Variants in ZNF532 observed in about 807,000 individuals in gnomAD.
ZNF532 encodes the protein zinc finger protein 532.
A neutral mutation model predicts 89.3 loss-of-function variants in ZNF532; 22 were observed. That is an observed-to-expected ratio of 0.25 (90% CI 0.18 to 0.35). ZNF532 has a LOEUF of 0.35. ZNF532 is among the 10% of genes least tolerant of loss of function. The probability of loss-of-function intolerance (pLI) is 1.00; values close to 1 mark genes in which losing one functional copy is unlikely to be tolerated. For missense variants in ZNF532, 1,132 were observed against 1,643.4 expected, an observed-to-expected ratio of 0.69 and a Z score of 5.38; for synonymous variants, 606 against 649.6, an observed-to-expected ratio of 0.93 and a Z score of 1.02.
intron 3 of ZNF532, among the ~76,000 whole-genome samples, chr18:58,929,002 G>A (rs994867331): frequency 5.9e-5 from 9 of 152,122 alleles, no homozygotes; most frequent in African/African-American, 2.2e-4. Flanking sequence ...TTAAAAACCT[G>A]TTTTCTTCTT....
At chr18:58,889,234 TAG>T (rs888401456) in intron 2 of ZNF532, among the ~76,000 whole-genome samples, 13 of 152,138 alleles carry the variant, frequency 8.5e-5, no homozygotes, top group African/African-American at 3.1e-4. Flanking sequence ...AGTTAACACA[TAG>T]AGTTAAAAAG....
chr18:58,919,781 C>T lies in ZNF532; in HGVS notation c.1494C>T (p.Asn498=), dbSNP rs74940520. 5.0e-3 allele frequency: 8,130 copies of T among 1,614,120 alleles called. 30 individuals are homozygous for T. The highest frequency in any genetic ancestry group is 7.5e-3 in the East Asian group (335 of 44,894). ...SASSAIIKAA[N]AIQQQTVVVP... is the part of the protein sequence containing the mutation. ...GCAGCGCCATCATTAAAGCTGCCAA[C>T]GCCATCCAGCAGCAAACTGTCGTGG... is the stretch of plus-strand genomic sequence containing the variant. The change falls in exon 3 of 10, where the codon AAC becomes AAT. Residue 498 remains asparagine, a synonymous_variant. Transcript: ENST00000591808. This position sits in a 1 kb window ranked among gnomAD's most constrained non-coding sequence, Gnocchi z 6.1.
At chr18:58,937,778 C>T (rs1404891334) in intron 4 of ZNF532, among the ~76,000 whole-genome samples, 1 of 152,206 alleles carries the variant, frequency 6.6e-6, no homozygotes, top group Non-Finnish European at 1.5e-5. Flanking sequence ...TAATTCTTCT[C>T]ATTTTACAAA....
chr18:58,907,640 A>G (rs1015252281), intron 2 of ZNF532, among the ~76,000 whole-genome samples: 1 of 152,100 alleles, frequency 6.6e-6, no homozygotes, highest in East Asian at 1.9e-4. Flanking sequence ...GGGGGTTGCA[A>G]AGATCAGGAG....
intron 8 of ZNF532, chr18:58,980,587 A>G (rs1053942994): frequency 6.6e-6 from 1 of 152,212 alleles, no homozygotes; most frequent in Admixed American, 6.5e-5. Flanking sequence ...TCCTTCCCTC[A>G]GTAGCATTCT....
intron 5 of ZNF532, among the ~76,000 whole-genome samples, chr18:58,941,545 C>G (rs1160702404): frequency 1.3e-5 from 2 of 149,274 alleles, no homozygotes; most frequent in African/African-American, 5.0e-5. Context: ...TCACTGCAGC[C>G]TTGACCTCCT....
At position 58,941,468 on chromosome 18, in the gene ZNF532, C is replaced by CTTTTT. The variant is rs71302776; in HGVS notation, c.2705+1863_2705+1867dup. On this transcript the variant is annotated intron_variant, in intron 5 of 9. Transcript: ENST00000591808. ...CCAGTGGTTTCTTTTCTCTCTCTCT[C>CTTTTT]TTTTTTTTTTTTTTTTTTTTATGAG... Among the ~76,000 whole-genome samples, 97 of 114,918 alleles carry CTTTTT rather than the reference C, an allele frequency of 8.4e-4. 2 individuals are homozygous for CTTTTT. The highest frequency in any genetic ancestry group is 1.6e-3 in the Admixed American group (16 of 10,106). The allele number at this position is 114,918 out of a possible 152,430, so 75.4% of individuals were successfully genotyped here. A position where few individuals can be genotyped will look rare whatever the true frequency, so the allele number is the denominator to read the frequency against.
chr18:58,953,602 A>C lies in ZNF532; in HGVS notation c.2953A>C (p.Asn985His). 1.9e-6 allele frequency: 3 copies of C among 1,613,974 alleles called. No homozygotes were observed. The highest frequency in any genetic ancestry group is 2.5e-6 in the Non-Finnish European group (3 of 1,179,846). ...LPLSIKPATQ[N>H]SANQNKEDTK... The stretch of plus-strand genomic sequence containing the variant: ...TTTGAGCATTAAGCCTGCAACTCAA[A>C]ATTCAGCAAATCAGAACAAAGAGGA... Residue 985 changes from asparagine (N) to histidine (H), a missense_variant, in exon 7 of 10, where the codon AAT becomes CAT. Physicochemically the swap from Asn to His is moderately conservative, Grantham distance 68. Coordinates refer to ENST00000591808, the MANE Select transcript of ZNF532 (RefSeq NM_001375912.1).
chr18:58,880,741 CCCTCTCATAGGCGCGCGCGCACGCGCGCG>C (rs1299814969), intron 2 of ZNF532, among the ~76,000 whole-genome samples: 3 of 110,936 alleles, frequency 2.7e-5, no homozygotes, highest in Non-Finnish European at 4.4e-5. Flanking sequence ...TATATTTGAG[CCCTCTCATAGGCGCGCGCGCACGCGCGCG>C]CGTCTGTGTG....
At chr18:58,965,457 A>G (rs970243143) in intron 7 of ZNF532, among the ~76,000 whole-genome samples, 1 of 152,258 alleles carries the variant, frequency 6.6e-6, no homozygotes, top group Non-Finnish European at 1.5e-5. Context: ...CACAGAATGA[A>G]AGCTGACATT....
At chr18:58,947,425 G>A (rs2063760400) in intron 5 of ZNF532, among the ~76,000 whole-genome samples, 1 of 152,230 alleles carries the variant, frequency 6.6e-6, no homozygotes, top group African/African-American at 2.4e-5. Flanking sequence ...GAAATAGTTT[G>A]TAGGAGACAA....
chr18:58,933,252 A>AT (rs1044929062), intron 3 of ZNF532, among the ~76,000 whole-genome samples: 2 of 152,272 alleles, frequency 1.3e-5, no homozygotes, highest in Admixed American at 1.3e-4. Flanking sequence ...TATAATAAAC[A>AT]TTTTTTGGGA....
At chr18:58,964,535 T>TTGTGTGTGTGTGTGTGTGTGTGTGTGTG (rs200298951) in intron 7 of ZNF532, among the ~76,000 whole-genome samples, 1 of 138,554 alleles carries the variant, frequency 7.2e-6, no homozygotes, top group Non-Finnish European at 1.6e-5. Flanking sequence ...GATATTTTGT[T>TTGTGTGTGTGTGTGTGTGTGTGTGTGTG]TGTGTGTGTG....
chr18:58,907,555 G>T (rs543627959), intron 2 of ZNF532, among the ~76,000 whole-genome samples: 3 of 152,184 alleles, frequency 2.0e-5, no homozygotes, highest in African/African-American at 7.2e-5. Flanking sequence ...GAGTGCAGTG[G>T]TGCGATCCCG....
chr18:58,934,638 G>A (rs2146463460), intron 4 of ZNF532, 24 bp downstream of exon 4: 1 of 1,602,796 alleles, frequency 6.2e-7, no homozygotes, highest in Middle Eastern at 1.7e-4. Flanking sequence ...TCACTTATGT[G>A]CAAGTAAAAC....
intron 2 of ZNF532, among the ~76,000 whole-genome samples, chr18:58,872,005 G>T (rs1303896654): frequency 6.6e-6 from 1 of 152,184 alleles, no homozygotes; most frequent in African/African-American, 2.4e-5. Context: ...AGAATTCTTT[G>T]AATCATCTTC....
At chr18:58,891,273 T>TA (rs1392500843) in intron 2 of ZNF532, among the ~76,000 whole-genome samples, 3 of 152,028 alleles carry the variant, frequency 2.0e-5, no homozygotes, top group African/African-American at 7.2e-5. Flanking sequence ...CTCACGCCTG[T>TA]AATCCCAGCA....
intron 3 of ZNF532, among the ~76,000 whole-genome samples, chr18:58,926,495 G>T (rs1479204077): frequency 6.6e-6 from 1 of 152,164 alleles, no homozygotes; most frequent in East Asian, 1.9e-4. Context: ...GCGCCACCAT[G>T]CCCGGCTAAT....
intron 2 of ZNF532, among the ~76,000 whole-genome samples, chr18:58,917,441 C>T (rs1408363107): frequency 6.6e-6 from 1 of 152,184 alleles, no homozygotes; most frequent in Non-Finnish European, 1.5e-5. Context: ...GCTGGGGTTC[C>T]AGGGAGCAGA....
Sources: allele counts gnomAD v4.1 joint callset (sites outside exome capture counted in the v4.1 genomes callset), GRCh38; gene constraint gnomAD v4.1.1; non-coding constraint Gnocchi (gnomAD v3.1); transcripts MANE v1.5; gene names NCBI Gene and HGNC (gene_info 2026-07-23, HGNC 2026-07-21).